The following HCN1 variants were observed in gnomAD, a reference collection of about 807,000 sequenced individuals.
HCN1 encodes potassium/sodium hyperpolarization-activated cyclic nucleotide-gated channel 1.
In HCN1, 13 loss-of-function variants were observed where a neutral mutation model predicts 78.9. That is an observed-to-expected ratio of 0.16 (90% confidence interval 0.11 to 0.26). The LOEUF (loss-of-function observed/expected upper bound fraction) is 0.26, where lower values mean the gene tolerates loss of function less well. Among genes scored for constraint, HCN1 ranks in the 10% least tolerant of loss-of-function variants. The pLI is 1.00. For missense variants in HCN1, 810 were observed against 1,154.3 expected (o/e 0.70, Z 4.32); for synonymous variants, 552 against 455.5 (o/e 1.21, Z -2.70).
chr5:45,667,573 A>G (rs570238279), intron 1 of HCN1, among the ~76,000 whole-genome samples: 1 of 152,170 alleles, frequency 6.6e-6, no homozygotes, highest in East Asian at 1.9e-4. Context: ...GGCTGCTGAC[A>G]TTAACAAATT....
At chr5:45,374,158 CATTATATACATAATATAT>C (rs1747533623) in intron 4 of HCN1, among the ~76,000 whole-genome samples, 1 of 68,322 alleles carries the variant, frequency 1.5e-5, no homozygotes, top group African/African-American at 5.6e-5. Flanking sequence ...ATATAATATA[CATTATATACATAATATAT>C]ATTATATATT....
At chr5:45,461,487 T>TA (rs1561163916) in intron 3 of HCN1, among the ~76,000 whole-genome samples, 1 of 152,088 alleles carries the variant, frequency 6.6e-6, no homozygotes, top group Non-Finnish European at 1.5e-5. Context: ...TAGTGAAAGC[T>TA]AAAAAATGTT....
chr5:45,291,992 T>C (rs956389122), intron 6 of HCN1, among the ~76,000 whole-genome samples: 1 of 152,086 alleles, frequency 6.6e-6, no homozygotes, highest in Non-Finnish European at 1.5e-5. Flanking sequence ...AATGCTAGAA[T>C]TTTATTTTAT....
chr5:45,526,752 C>A (rs532714349), intron 2 of HCN1, among the ~76,000 whole-genome samples: 2 of 152,040 alleles, frequency 1.3e-5, no homozygotes, highest in Non-Finnish European at 2.9e-5. Flanking sequence ...TCCTGTACTG[C>A]CAATCCACTT....
chr5:45,584,262 T>C (rs1370062581), intron 2 of HCN1, among the ~76,000 whole-genome samples: 2 of 152,218 alleles, frequency 1.3e-5, no homozygotes, highest in African/African-American at 2.4e-5. Flanking sequence ...CTTGTTGAAT[T>C]GATCCCTTTA....
chr5:45,551,137 G>A (rs1004213317), intron 2 of HCN1, among the ~76,000 whole-genome samples: 16 of 151,908 alleles, frequency 1.1e-4, no homozygotes, highest in African/African-American at 3.1e-4. Context: ...TATCTACTTC[G>A]CTGGCCTAAA....
chr5:45,359,283 G>A (rs1747065801), intron 4 of HCN1, among the ~76,000 whole-genome samples: 1 of 151,644 alleles, frequency 6.6e-6, no homozygotes, highest in Non-Finnish European at 1.5e-5. Flanking sequence ...TTGAAAAATA[G>A]CAAATTATTA....
intron 4 of HCN1, among the ~76,000 whole-genome samples, chr5:45,365,224 T>A (rs1170448735): frequency 6.6e-6 from 1 of 151,948 alleles, no homozygotes; most frequent in African/African-American, 2.4e-5. Context: ...AGGGAATTCA[T>A]GTGTTTGTTT....
intron 3 of HCN1, among the ~76,000 whole-genome samples, chr5:45,442,280 G>T (rs1740693183): frequency 6.6e-6 from 1 of 152,050 alleles, no homozygotes; most frequent in African/African-American, 2.4e-5. Flanking sequence ...AAATGGAGGA[G>T]AAAGGAAGAA....
At chr5:45,356,636 G>T (rs1747012429) in intron 4 of HCN1, among the ~76,000 whole-genome samples, 1 of 151,886 alleles carries the variant, frequency 6.6e-6, no homozygotes, top group African/African-American at 2.4e-5. Context: ...TCATGCTATA[G>T]CTGTGTCACT....
At chr5:45,487,008 G>A (rs1741782839) in intron 2 of HCN1, among the ~76,000 whole-genome samples, 1 of 151,936 alleles carries the variant, frequency 6.6e-6, no homozygotes, top group East Asian at 1.9e-4. Context: ...TGTTTCCATT[G>A]GTGTTTCCTG....
intron 5 of HCN1, among the ~76,000 whole-genome samples, chr5:45,333,995 G>A (rs1189861848): frequency 6.6e-6 from 1 of 151,614 alleles, no homozygotes; most frequent in Non-Finnish European, 1.5e-5. Flanking sequence ...AATAATCAGG[G>A]CTTCTTGAGT....
chr5:45,587,245 C>T (rs936846072), intron 2 of HCN1, among the ~76,000 whole-genome samples: 4 of 152,176 alleles, frequency 2.6e-5, no homozygotes, highest in Non-Finnish European at 5.9e-5. Flanking sequence ...AAGACACATG[C>T]ACACATATGT....
chr5:45,368,114 GA>G, intron 4 of HCN1, among the ~76,000 whole-genome samples: 1 of 152,060 alleles, frequency 6.6e-6, no homozygotes, highest in South Asian at 2.1e-4. Context: ...CAATCAATAA[GA>G]TTTTTTGTTA....
chr5:45,356,356 T>C (rs1010639453), intron 4 of HCN1, among the ~76,000 whole-genome samples: 1 of 152,006 alleles, frequency 6.6e-6, no homozygotes, highest in Non-Finnish European at 1.5e-5. Flanking sequence ...TTTTTATTTT[T>C]AAAAGTTTCT....
At chr5:45,383,862 C>A (rs1747863777) in intron 4 of HCN1, among the ~76,000 whole-genome samples, 1 of 152,028 alleles carries the variant, frequency 6.6e-6, no homozygotes, top group Non-Finnish European at 1.5e-5. Flanking sequence ...ATCACAGATT[C>A]TCTTGCCTTG....
chr5:45,337,363 C>T (rs1360539972), intron 5 of HCN1, among the ~76,000 whole-genome samples: 2 of 152,030 alleles, frequency 1.3e-5, no homozygotes, highest in Non-Finnish European at 2.9e-5. Context: ...ATTAAAAATA[C>T]ATGGACCATA....
At chr5:45,400,378 A>G (rs1232075335) in intron 3 of HCN1, among the ~76,000 whole-genome samples, 2 of 151,450 alleles carry the variant, frequency 1.3e-5, no homozygotes, top group African/African-American at 2.4e-5. Flanking sequence ...CTTGAAATAA[A>G]TATATATTAA....
intron 5 of HCN1, among the ~76,000 whole-genome samples, chr5:45,305,234 T>G (rs1745702163): frequency 1.3e-5 from 2 of 152,200 alleles, no homozygotes; most frequent in African/African-American, 4.8e-5. Flanking sequence ...AAGGTTTCTA[T>G]GATCTTACTT....
Sources: gnomAD v4.1 joint callset for allele counts (sites outside exome capture counted in the v4.1 genomes callset) on GRCh38, gnomAD v4.1.1 for gene constraint, MANE v1.5 for transcripts, NCBI Gene and HGNC (gene_info 2026-07-23, HGNC 2026-07-21) for gene names.